PAK3: variants seen among roughly 807,000 people sequenced by gnomAD.
The protein encoded by PAK3 is p21 (RAC1) activated kinase 3.
In PAK3, 4 loss-of-function variants were observed where a neutral mutation model predicts 41.0. That is an observed-to-expected ratio of 0.10 (90% CI 0.05 to 0.22). The LOEUF is 0.22. PAK3 is among the 10% of genes least tolerant of loss of function. The probability of loss-of-function intolerance (pLI) is 1.00; values close to 1 mark genes in which losing one functional copy is unlikely to be tolerated. For missense variants in PAK3, 205 were observed against 409.9 expected, an observed-to-expected ratio of 0.50 and a Z score of 4.32; for synonymous variants, 146 against 139.6, an observed-to-expected ratio of 1.05 and a Z score of -0.32.
intron 1 of PAK3, among the ~76,000 whole-genome samples, chrX:110,988,409 A>G (rs1347694602): frequency 5.4e-5 from 6 of 112,124 alleles, no homozygotes; most frequent in Non-Finnish European, 9.4e-5. Flanking sequence ...TGAGTTATAA[A>G]ATGTTTATAA....
chrX:110,984,137 C>T (rs1189189124), intron 1 of PAK3, among the ~76,000 whole-genome samples: 1 of 111,883 alleles, frequency 8.9e-6, no homozygotes, highest in East Asian at 2.8e-4. Context: ...GTATACTACA[C>T]AAGGGCACCA....
chrX:111,198,658 G>A (rs987718732), intron 16 of PAK3, among the ~76,000 whole-genome samples: 11 of 110,574 alleles, frequency 9.9e-5, no homozygotes, highest in Non-Finnish European at 1.7e-4. Context: ...TTATTTCCGG[G>A]TTCTCTCACC....
At chrX:111,150,626 T>C (rs994799121) in intron 7 of PAK3, among the ~76,000 whole-genome samples, 1 of 111,164 alleles carries the variant, frequency 9.0e-6, no homozygotes, top group Non-Finnish European at 1.9e-5. Context: ...TTATCCACTA[T>C]CACGAGAATA....
In PAK3 at chrX:111,201,840, A is replaced by G. The variant is rs747455195; in HGVS notation, c.1407+5200A>G. ...CTGTAGGAAAAAAATATATATGTAT[A>G]TATTTATATATATGAAATGTATATA... On this transcript the variant is annotated intron_variant, in intron 16 of 17. Transcript: ENST00000372007. Among the ~76,000 whole-genome samples, 14 of 110,816 alleles carry G rather than the reference A, an allele frequency of 1.3e-4. No homozygotes were observed. The East Asian group carries it at 3.1e-3, about 24-fold the overall frequency.
intron 10 of PAK3, among the ~76,000 whole-genome samples, chrX:111,164,444 A>G (rs1225644321): frequency 1.8e-5 from 2 of 111,134 alleles, no homozygotes; most frequent in Non-Finnish European, 3.8e-5. Context: ...ACTCCTACTT[A>G]TCCTTCAATA....
At chrX:111,204,478 T>C (rs1210772312) in intron 16 of PAK3, among the ~76,000 whole-genome samples, 1 of 111,721 alleles carries the variant, frequency 9.0e-6, no homozygotes, top group Non-Finnish European at 1.9e-5. Context: ...TGGAGTGTGA[T>C]GATCGGCATT....
At chrX:111,188,869 G>T (rs1194335247) in intron 11 of PAK3, among the ~76,000 whole-genome samples, 1 of 112,045 alleles carries the variant, frequency 8.9e-6, no homozygotes, top group Non-Finnish European at 1.9e-5. Flanking sequence ...TAAAGGAATT[G>T]TGCATGCGGC....
At chrX:111,050,389 C>G (rs780282975) in intron 1 of PAK3, among the ~76,000 whole-genome samples, 2 of 112,224 alleles carry the variant, frequency 1.8e-5, no homozygotes, top group African/African-American at 3.2e-5. Flanking sequence ...GTTATCACTT[C>G]TATTTTGCTT....
At chrX:111,104,364 A>G (rs1240188122) in intron 4 of PAK3, among the ~76,000 whole-genome samples, 1 of 111,954 alleles carries the variant, frequency 8.9e-6, no homozygotes, top group Non-Finnish European at 1.9e-5. Context: ...CAAGCAAGGA[A>G]TAAGCAATGT....
intron 1 of PAK3, among the ~76,000 whole-genome samples, chrX:111,086,190 T>G (rs2092881630): frequency 9.0e-6 from 1 of 111,039 alleles, no homozygotes; most frequent in East Asian, 2.8e-4. Flanking sequence ...AGGCGCTGTT[T>G]GTGGGATTCT....
intron 1 of PAK3, among the ~76,000 whole-genome samples, chrX:110,977,498 T>C (rs1473812171): frequency 9.0e-6 from 1 of 111,586 alleles, no homozygotes; most frequent in Non-Finnish European, 1.9e-5. Context: ...GAGAGTTTTG[T>C]CATCTTAACA....
At chrX:111,188,532 C>T (rs1985333702) in intron 11 of PAK3, among the ~76,000 whole-genome samples, 1 of 111,756 alleles carries the variant, frequency 8.9e-6, no homozygotes, top group Non-Finnish European at 1.9e-5. Context: ...GATGTGGAAC[C>T]TCTAAAACGT....
At position 111,196,556 on chromosome X, in the gene PAK3, G is replaced by A. The variant is rs61733749; in HGVS notation, c.1323G>A (p.Pro441=). Residue 441 remains proline (P), a synonymous_variant, in exon 16 of 18, where the codon CCG becomes CCA. Coordinates refer to ENST00000372007, the MANE Select transcript of PAK3 (RefSeq NM_002578.5). ...TGGTGACTCGAAAAGCTTATGGTCC[G>A]AAAGTTGATATCTGGTCTCTTGGAA... The part of the protein sequence containing the change: ...PEVVTRKAYG[P]KVDIWSLGIM... The A allele has an allele frequency of 3.9e-5, 47 of 1,203,174 alleles. No homozygotes were observed. Among genetic ancestry groups the A allele is most frequent in the African/African-American group, 1.6e-4 (9 of 57,055 alleles).
chrX:110,979,454 C>T (rs1368709100), intron 1 of PAK3, among the ~76,000 whole-genome samples: 1 of 109,181 alleles, frequency 9.2e-6, no homozygotes. Context: ...GCCGCCACCT[C>T]GCCTGGCTAA....
At chrX:111,039,892 G>A (rs1176398543) in intron 1 of PAK3, among the ~76,000 whole-genome samples, 2 of 107,675 alleles carry the variant, frequency 1.9e-5, no homozygotes, top group Non-Finnish European at 3.8e-5. Flanking sequence ...GGTCTTGGCT[G>A]AGGCAAGTCT....
At chrX:111,006,850 T>TTTC (rs34377923) in intron 1 of PAK3, among the ~76,000 whole-genome samples, 24 of 2,940 alleles carry the variant, frequency 8.2e-3, no homozygotes, top group South Asian at 0.059. Flanking sequence ...TCTTTCTTTC[T>TTTC]TTTTTTTTTT....
At chrX:110,995,774 T>C (rs2091729232) in intron 1 of PAK3, among the ~76,000 whole-genome samples, 1 of 111,059 alleles carries the variant, frequency 9.0e-6, no homozygotes, top group African/African-American at 3.3e-5. Context: ...ACTCTTCCCC[T>C]TGCCCCCTGT....
intron 1 of PAK3, among the ~76,000 whole-genome samples, chrX:111,027,281 G>A (rs923637520): frequency 1.8e-5 from 2 of 110,129 alleles, no homozygotes; most frequent in East Asian, 2.8e-4. Context: ...ACCAAGAACC[G>A]AAAAGCAAAT....
intron 1 of PAK3, among the ~76,000 whole-genome samples, chrX:110,973,817 C>A (rs1319610676): frequency 9.0e-6 from 1 of 111,365 alleles, no homozygotes; most frequent in African/African-American, 3.3e-5. Flanking sequence ...TTCAGGAGAC[C>A]CATCTCATGT....
Sources: gnomAD v4.1 joint callset for allele counts (sites outside exome capture counted in the v4.1 genomes callset) on GRCh38, gnomAD v4.1.1 for gene constraint, MANE v1.5 for transcripts, NCBI Gene and HGNC (gene_info 2026-07-23, HGNC 2026-07-21) for gene names.